The following PCDH15 variants were observed in gnomAD, a reference collection of about 807,000 sequenced individuals.
PCDH15 encodes protocadherin related 15, also known as protocadherin-15.
PCDH15 carries 129 observed loss-of-function variants against 178.5 expected under a neutral mutation model. That is an observed-to-expected ratio of 0.72 (90% CI 0.63 to 0.84). PCDH15 has a LOEUF of 0.84. Among genes scored for constraint, PCDH15 ranks in the 40% least tolerant of loss-of-function variants. The pLI is 0.00. For missense variants in PCDH15, 2,230 were observed against 2,099.9 expected (o/e 1.06, Z -1.21); for synonymous variants, 800 against 732.0 (o/e 1.09, Z -1.50).
At chr10:53,982,472 A>T (rs2090733664) in intron 21 of PCDH15, among the ~76,000 whole-genome samples, 1 of 152,146 alleles carries the variant, frequency 6.6e-6, no homozygotes, top group Non-Finnish European at 1.5e-5. Context: ...CATATACAGC[A>T]TGGAATACTA....
intron 2 of PCDH15, among the ~76,000 whole-genome samples, chr10:55,565,157 C>G (rs976530378): frequency 1.3e-5 from 2 of 151,430 alleles, no homozygotes; most frequent in African/African-American, 4.8e-5. Context: ...TCTTTGCCAA[C>G]TACAACAAAA....
chr10:54,407,589 T>C (rs2000195), intron 3 of PCDH15, among the ~76,000 whole-genome samples: 115,610 of 151,856 alleles, frequency 0.76, 44,513 homozygotes, highest in East Asian at 0.96. Flanking sequence ...TTCCTTGTAA[T>C]TTCTCACTTA....
rs114656247 is a variant in PCDH15, at chr10:55,346,750, A to C, written c.-155-180099T>G. On this transcript the variant is annotated intron_variant, in intron 2 of 5. Transcript: ENST00000613346. ...TAATATATTAGTTTAAGATAGTCTA[A>C]ATAGAGTATTATTTCTTGCAGACAG... is the stretch of plus-strand genomic sequence containing the variant. 5.5e-3 allele frequency among the ~76,000 whole-genome samples: 840 copies of C among 151,822 alleles called. 10 individuals are homozygous for C. Among genetic ancestry groups the C allele is most frequent in the African/African-American group, 0.019 (801 of 41,340 alleles).
intron 5 of PCDH15, among the ~76,000 whole-genome samples, chr10:54,358,589 G>T (rs568934350): frequency 6.6e-6 from 1 of 151,194 alleles, no homozygotes; most frequent in Non-Finnish European, 1.5e-5. Context: ...CAACCATTGT[G>T]GAAGTCAGTG....
chr10:54,802,908 A>G (rs1952710414), upstream of PCDH15, among the ~76,000 whole-genome samples: 2 of 152,208 alleles, frequency 1.3e-5, no homozygotes, highest in African/African-American at 2.4e-5. Flanking sequence ...GAGCAATTCA[A>G]TTATTACTAA....
chr10:54,520,361 T>G (rs2082714634), intron 3 of PCDH15, among the ~76,000 whole-genome samples: 1 of 151,662 alleles, frequency 6.6e-6, no homozygotes. Flanking sequence ...TCAAACAAAT[T>G]TACAAGAAAA....
intron 2 of PCDH15, among the ~76,000 whole-genome samples, chr10:55,408,293 C>T (rs1838250858): frequency 6.6e-6 from 1 of 151,282 alleles, no homozygotes; most frequent in Admixed American, 6.6e-5. Flanking sequence ...TCAAGCGATT[C>T]TTCTGCCTCA....
At chr10:54,442,778 C>T (rs1253046472) in intron 3 of PCDH15, among the ~76,000 whole-genome samples, 2 of 151,414 alleles carry the variant, frequency 1.3e-5, no homozygotes, top group African/African-American at 2.4e-5. Context: ...TTAACTGTAA[C>T]TGTAGTGGGT....
At chr10:55,260,521 A>C (rs1246360488) in intron 1 of PCDH15, among the ~76,000 whole-genome samples, 1 of 152,134 alleles carries the variant, frequency 6.6e-6, no homozygotes, top group African/African-American at 2.4e-5. Context: ...AAAACACAAA[A>C]TTTTATGTTT....
intron 6 of PCDH15, among the ~76,000 whole-genome samples, chr10:54,344,545 C>T (rs1171828005): frequency 6.6e-6 from 1 of 151,952 alleles, no homozygotes; most frequent in African/African-American, 2.4e-5. Flanking sequence ...AAAACATGGA[C>T]TAGTCATTTG....
chr10:55,494,147 G>C (rs1840482892), intron 2 of PCDH15, among the ~76,000 whole-genome samples: 1 of 151,718 alleles, frequency 6.6e-6, no homozygotes, highest in South Asian at 2.1e-4. Flanking sequence ...TGTTTATAAT[G>C]TTGCTCCAGT....
intron 2 of PCDH15, among the ~76,000 whole-genome samples, chr10:54,996,905 T>G (rs1839659931): frequency 6.6e-6 from 1 of 151,992 alleles, no homozygotes; most frequent in African/African-American, 2.4e-5. Context: ...GGTCAGGAGT[T>G]CGAGACCAGC....
chr10:54,119,671 T>C (rs1048403390), intron 15 of PCDH15, among the ~76,000 whole-genome samples: 1 of 151,980 alleles, frequency 6.6e-6, no homozygotes, highest in African/African-American at 2.4e-5. Flanking sequence ...CTATATAAAA[T>C]GACTTCACTA....
chr10:54,164,546 A>G (rs118107801), intron 13 of PCDH15, among the ~76,000 whole-genome samples: 2,801 of 152,306 alleles, frequency 0.018, 56 homozygotes, highest in Non-Finnish European at 0.024. Context: ...ATAGAGGATA[A>G]GGGGGAAAAA....
intron 2 of PCDH15, among the ~76,000 whole-genome samples, chr10:55,025,386 A>G (rs117726914): frequency 0.016 from 2,480 of 152,258 alleles, 27 homozygotes; most frequent in Non-Finnish European, 0.021. Flanking sequence ...AATTAGAGAA[A>G]TAATCTAGCC....
intron 2 of PCDH15, among the ~76,000 whole-genome samples, chr10:55,059,060 A>G (rs561041995): frequency 9.4e-4 from 143 of 152,316 alleles, no homozygotes; most frequent in African/African-American, 3.0e-3. Flanking sequence ...GGAGCTAATT[A>G]CTGCTTTCTG....
intron 2 of PCDH15, among the ~76,000 whole-genome samples, chr10:55,439,853 A>G (rs2132067261): frequency 6.6e-6 from 1 of 152,270 alleles, no homozygotes; most frequent in East Asian, 1.9e-4. Context: ...CACTAGAATG[A>G]AACAGAATTT....
At chr10:54,414,036 A>G (rs1953956650) in intron 3 of PCDH15, among the ~76,000 whole-genome samples, 1 of 152,170 alleles carries the variant, frequency 6.6e-6, no homozygotes. Context: ...ACTACTACAC[A>G]ATATATACAT....
At chr10:54,144,405 T>C (rs1177607538) in intron 14 of PCDH15, among the ~76,000 whole-genome samples, 1 of 152,122 alleles carries the variant, frequency 6.6e-6, no homozygotes, top group Non-Finnish European at 1.5e-5. Context: ...AGAAAACCAC[T>C]TGCAGCCTCT....
Sources: gnomAD v4.1 joint callset for allele counts (sites outside exome capture counted in the v4.1 genomes callset) on GRCh38, gnomAD v4.1.1 for gene constraint, MANE v1.5 for transcripts, NCBI Gene and HGNC (gene_info 2026-07-23, HGNC 2026-07-21) for gene names.